The following FBXL20 variants were observed in gnomAD, a reference collection of about 807,000 sequenced individuals.
The protein encoded by FBXL20 is F-box and leucine rich repeat protein 20, also known as F-box/LRR-repeat protein 20.
In FBXL20, 11 loss-of-function variants were observed where a neutral mutation model predicts 64.0. The ratio of observed to expected loss-of-function variants is 0.17; its 90% CI spans 0.11 to 0.28. The LOEUF is 0.28. FBXL20 is among the 10% of genes least tolerant of loss of function. The pLI is 1.00. For missense variants in FBXL20, 303 were observed against 526.2 expected, an observed-to-expected ratio of 0.58 and a Z score of 4.15; for synonymous variants, 184 against 189.0, an observed-to-expected ratio of 0.97 and a Z score of 0.22.
chr17:39,281,259 T>C, intron 9 of FBXL20, 130 bp downstream of exon 9: 1 of 766,474 alleles, frequency 1.3e-6, no homozygotes, highest in Non-Finnish European at 2.2e-6. Context: ...CATCTGTGTG[T>C]TTACTTTGTC....
chr17:39,351,489 CTATTT>C (rs1366854675), intron 1 of FBXL20, among the ~76,000 whole-genome samples: 2 of 152,048 alleles, frequency 1.3e-5, no homozygotes, highest in Non-Finnish European at 2.9e-5. Flanking sequence ...AGGTATTTTA[CTATTT>C]TATATTTCAG....
chr17:39,280,327 C>G (rs1033913217), intron 9 of FBXL20, among the ~76,000 whole-genome samples: 2 of 148,982 alleles, frequency 1.3e-5, no homozygotes, highest in Non-Finnish European at 3.0e-5. Context: ...TGTTTGAACC[C>G]GGGAAGCAGG....
intron 2 of FBXL20, among the ~76,000 whole-genome samples, chr17:39,328,378 T>A (rs148699690): frequency 3.4e-5 from 5 of 148,766 alleles, no homozygotes; most frequent in African/African-American, 1.0e-4. Context: ...GTAAGAAGGG[T>A]CTGAAACACC....
chr17:39,268,997 A>G lies in FBXL20; in HGVS notation c.889-126T>C, dbSNP rs2046816247. 33 of 818,324 alleles carry G rather than the reference A, an allele frequency of 4.0e-5. No individual in the cohort carries two copies. In the South Asian group the frequency reaches 5.4e-4, roughly 13 times the overall value. The allele number at this position is 818,324 out of a possible 1,614,324, so 50.7% of individuals were successfully genotyped here. A position where few individuals can be genotyped will look rare whatever the true frequency, so the allele number is the denominator to read the frequency against. Reference sequence around the variant, plus strand: ...ATAAATTCTTTGGTGTTTCAGAGCTAGTGTCATGCTAATTTTTTTTTCTTT... The same window carrying G: ...ATAAATTCTTTGGTGTTTCAGAGCTGGTGTCATGCTAATTTTTTTTTCTTT... On this transcript the variant is annotated intron_variant, in intron 11 of 14. Transcript: ENST00000264658.
intron 1 of FBXL20, among the ~76,000 whole-genome samples, chr17:39,375,259 C>T (rs894547103): frequency 6.6e-5 from 10 of 151,992 alleles, no homozygotes; most frequent in African/African-American, 9.7e-5. Context: ...CTGAGAAATA[C>T]ATTTACTTTT....
At chr17:39,367,105 G>T (rs777873568) in intron 1 of FBXL20, among the ~76,000 whole-genome samples, 1 of 151,578 alleles carries the variant, frequency 6.6e-6, no homozygotes, top group Non-Finnish European at 1.5e-5. Context: ...GGATGGTCTC[G>T]ATCTCCTGAC....
intron 1 of FBXL20, among the ~76,000 whole-genome samples, chr17:39,349,900 C>T (rs2047671177): frequency 6.7e-6 from 1 of 149,688 alleles, no homozygotes; most frequent in Non-Finnish European, 1.5e-5. Context: ...CGCGCCACTG[C>T]ACTCCAGCCT....
intron 1 of FBXL20, among the ~76,000 whole-genome samples, chr17:39,354,923 G>T (rs192307066): frequency 3.0e-4 from 46 of 151,282 alleles, no homozygotes; most frequent in African/African-American, 1.1e-3. Flanking sequence ...AAATTTCTTG[G>T]TTTTTTTGTT....
chr17:39,356,074 C>T (rs531499269), intron 1 of FBXL20, among the ~76,000 whole-genome samples: 18 of 150,496 alleles, frequency 1.2e-4, no homozygotes, highest in African/African-American at 3.9e-4. Flanking sequence ...AGTAGCCAGG[C>T]GTGGTGGCAT....
intron 1 of FBXL20, among the ~76,000 whole-genome samples, chr17:39,398,992 A>T (rs1335952297): frequency 1.3e-5 from 2 of 152,160 alleles, no homozygotes; most frequent in East Asian, 3.8e-4. Flanking sequence ...TAAATTAAAA[A>T]AATTTTTTTT....
At chr17:39,338,499 TC>T (rs1279716215) in intron 2 of FBXL20, among the ~76,000 whole-genome samples, 1 of 150,374 alleles carries the variant, frequency 6.7e-6, no homozygotes, top group African/African-American at 2.5e-5. Context: ...CCCTGCCAAA[TC>T]CCCCTCTGCG....
intron 1 of FBXL20, among the ~76,000 whole-genome samples, chr17:39,361,290 G>A (rs975328793): frequency 1.3e-5 from 2 of 152,082 alleles, no homozygotes; most frequent in African/African-American, 2.4e-5. Flanking sequence ...TTGATGCTGT[G>A]AATGGAGTTT....
intron 1 of FBXL20, among the ~76,000 whole-genome samples, chr17:39,397,518 A>G (rs1049472888): frequency 6.6e-6 from 1 of 152,280 alleles, no homozygotes; most frequent in East Asian, 1.9e-4. Context: ...ACAGTACTAC[A>G]TCCTCATAAA....
chr17:39,336,823 C>CAA (rs1050338585), intron 2 of FBXL20, among the ~76,000 whole-genome samples: 1 of 122,886 alleles, frequency 8.1e-6, no homozygotes, highest in Non-Finnish European at 1.7e-5. Flanking sequence ...GACACCATCT[C>CAA]AAAAAAAAAA....
chr17:39,268,138 G>A (rs1168785391), intron 12 of FBXL20, among the ~76,000 whole-genome samples: 3 of 152,062 alleles, frequency 2.0e-5, no homozygotes, highest in African/African-American at 7.2e-5. Context: ...GATCACCTGA[G>A]GTCAGGAGTT....
chr17:39,356,737 C>A (rs560710269), intron 1 of FBXL20, among the ~76,000 whole-genome samples: 1 of 152,096 alleles, frequency 6.6e-6, no homozygotes, highest in East Asian at 1.9e-4. Context: ...CTCACTGCAG[C>A]CTTGACCTCC....
chr17:39,396,416 CA>C (rs1183908429), intron 1 of FBXL20, among the ~76,000 whole-genome samples: 1 of 151,178 alleles, frequency 6.6e-6, no homozygotes, highest in Non-Finnish European at 1.5e-5. Flanking sequence ...GCCAATATGG[CA>C]AAACCCCATC....
At chr17:39,358,699 CAA>C (rs1220761145) in intron 1 of FBXL20, among the ~76,000 whole-genome samples, 1 of 150,808 alleles carries the variant, frequency 6.6e-6, no homozygotes, top group Non-Finnish European at 1.5e-5. Context: ...AACAAAAAAA[CAA>C]AAAAACAAAC....
intron 2 of FBXL20, among the ~76,000 whole-genome samples, chr17:39,308,009 A>C (rs1023468632): frequency 9.2e-5 from 14 of 151,710 alleles, no homozygotes; most frequent in African/African-American, 3.4e-4. Context: ...CTTTGTGGAC[A>C]TAGTAAATGA....
Sources: allele counts gnomAD v4.1 joint callset (sites outside exome capture counted in the v4.1 genomes callset), GRCh38; gene constraint gnomAD v4.1.1; transcripts MANE v1.5; gene names NCBI Gene and HGNC (gene_info 2026-07-23, HGNC 2026-07-21).